Variants in AKAP6 observed in about 807,000 individuals in gnomAD.
The protein encoded by AKAP6 is A-kinase anchoring protein 6.
AKAP6 carries 58 observed loss-of-function variants against 188.5 expected under a neutral mutation model. The ratio of observed to expected loss-of-function variants is 0.31; its 90% CI spans 0.25 to 0.38. The LOEUF is 0.38. AKAP6 is among the 10% of genes least tolerant of loss of function. AKAP6 has a pLI of 1.00. For synonymous variants in AKAP6, 989 were observed against 998.6 expected (o/e 0.99, Z 0.18); for missense variants, 2,710 against 2,740.0 (o/e 0.99, Z 0.24).
chr14:32,427,049 G>C (rs1043636299), intron 1 of AKAP6, among the ~76,000 whole-genome samples: 4 of 152,152 alleles, frequency 2.6e-5, no homozygotes, highest in African/African-American at 9.7e-5. Context: ...AAATATTCAA[G>C]AGGGGAAAGG....
intron 7 of AKAP6, among the ~76,000 whole-genome samples, chr14:32,611,360 A>G (rs1225971215): frequency 6.6e-6 from 1 of 152,206 alleles, no homozygotes; most frequent in Non-Finnish European, 1.5e-5. Context: ...TAACCTCCCC[A>G]GGTGATTCTA....
chr14:32,722,752 G>A (rs1388681250), intron 9 of AKAP6, among the ~76,000 whole-genome samples: 5 of 152,136 alleles, frequency 3.3e-5, no homozygotes, highest in African/African-American at 1.2e-4. Flanking sequence ...CCCAGTGAGA[G>A]CCACTTCCAT....
chr14:32,354,384 T>G (rs1176466552), intron 1 of AKAP6, among the ~76,000 whole-genome samples: 2 of 152,050 alleles, frequency 1.3e-5, no homozygotes, highest in East Asian at 3.9e-4. Flanking sequence ...ACAATTTACT[T>G]AAATCTTGCT....
At chr14:32,415,121 C>T (rs1189007440) in intron 1 of AKAP6, among the ~76,000 whole-genome samples, 2 of 152,150 alleles carry the variant, frequency 1.3e-5, no homozygotes, top group Non-Finnish European at 2.9e-5. Flanking sequence ...GCTAAATCAG[C>T]ACGATTTACA....
At chr14:32,797,991 A>G (rs1023259880) in intron 12 of AKAP6, among the ~76,000 whole-genome samples, 3 of 152,052 alleles carry the variant, frequency 2.0e-5, no homozygotes, top group East Asian at 1.9e-4. Context: ...TCTGCAAACT[A>G]TGCATGTGAC....
chr14:32,716,631 T>G (rs2139770955), intron 9 of AKAP6, among the ~76,000 whole-genome samples: 1 of 147,636 alleles, frequency 6.8e-6, no homozygotes, highest in East Asian at 2.0e-4. Context: ...CTACATTATA[T>G]AATGTATATT....
At chr14:32,344,454 G>T (rs1886998587) in intron 1 of AKAP6, among the ~76,000 whole-genome samples, 1 of 152,192 alleles carries the variant, frequency 6.6e-6, no homozygotes, top group Admixed American at 6.5e-5. Flanking sequence ...AAAGAGCTAT[G>T]GGAAGGTCGA....
rs143834041 is a variant in AKAP6 at position 32,448,381 on chromosome 14, C to T, written c.324+14564C>T. 3.5e-4 allele frequency among the ~76,000 whole-genome samples: 53 copies of T among 152,316 alleles called. No individual in the cohort carries two copies. In the East Asian group the frequency reaches 0.01, roughly 29 times the overall value. On this transcript the variant is annotated intron_variant, in intron 2 of 13. Transcript: ENST00000280979. ...GGACCCTTTCTTCCTCTTAAAATTTCTCAAGTCCTTTACTCTTCTAGTAAT... is the reference window on the plus strand; with the variant it reads ...GGACCCTTTCTTCCTCTTAAAATTTTTCAAGTCCTTTACTCTTCTAGTAAT...
Position 32,577,037 on chromosome 14 carries a change from C to T in AKAP6, c.2347-83C>T, listed in dbSNP as rs989610080. ...ATTTGATCATGGATAAAATTTGGAA[C>T]TTTTAATATTGGCTTTTTACAGAAT... On this transcript the variant is annotated intron_variant, in intron 4 of 13. Transcript: ENST00000280979. 6.7e-6 allele frequency: 10 copies of T among 1,490,644 alleles called. No individual in the cohort carries two copies. The East Asian group carries it at 2.4e-4, about 36-fold the overall frequency. The allele number at this position is 1,490,644 out of a possible 1,614,324, so 92.3% of individuals were successfully genotyped here.
intron 1 of AKAP6, among the ~76,000 whole-genome samples, chr14:32,409,138 T>G (rs925885018): frequency 6.6e-6 from 1 of 152,128 alleles, no homozygotes; most frequent in African/African-American, 2.4e-5. Context: ...AGGTGGAGGT[T>G]GCAGTGAGCC....
intron 4 of AKAP6, among the ~76,000 whole-genome samples, chr14:32,565,925 C>A (rs1024156647): frequency 1.5e-4 from 23 of 152,160 alleles, no homozygotes; most frequent in African/African-American, 5.6e-4. Context: ...TCTGTCAGGG[C>A]TCAATTTCCT....
At chr14:32,341,133 C>A (rs1167957885) in intron 1 of AKAP6, among the ~76,000 whole-genome samples, 1 of 152,188 alleles carries the variant, frequency 6.6e-6, no homozygotes, top group Non-Finnish European at 1.5e-5. Flanking sequence ...AAGCTATTAT[C>A]TTTCACAAGA....
chr14:32,594,430 G>A lies in AKAP6; in HGVS notation c.2470-4980G>A, dbSNP rs538312826. On this transcript the variant is annotated intron_variant, in intron 5 of 13. Coordinates refer to ENST00000280979, the MANE Select transcript of AKAP6 (RefSeq NM_004274.5). ...TGATTGTTTAGTCTTCATTTTGATG[G>A]CTATCTAATGTCTGATCAAGTTTTC... 9.2e-5 allele frequency among the ~76,000 whole-genome samples: 14 copies of A among 152,086 alleles called. No homozygotes were observed. In the South Asian group the frequency reaches 2.9e-3, roughly 32 times the overall value.
chr14:32,597,205 C>T (rs867691550), intron 5 of AKAP6, among the ~76,000 whole-genome samples: 17 of 152,276 alleles, frequency 1.1e-4, no homozygotes, highest in Middle Eastern at 3.4e-3. Context: ...AACCTACTTA[C>T]GGTTCCTTAG....
chr14:32,764,582 C>G (rs987865350), intron 11 of AKAP6, among the ~76,000 whole-genome samples: 1 of 152,150 alleles, frequency 6.6e-6, no homozygotes, highest in South Asian at 2.1e-4. Flanking sequence ...TGGATTCAGG[C>G]TGCCTGGGTT....
chr14:32,441,245 A>G lies in AKAP6; in HGVS notation c.324+7428A>G, dbSNP rs893855427. Among the ~76,000 whole-genome samples the G allele has an allele frequency of 1.3e-4, 20 of 152,300 alleles. No homozygotes were observed. The East Asian group carries it at 1.4e-3, about 10-fold the overall frequency. ...AAGTTGGATACTAGTGGTCAAGTGT[A>G]TAGAGAGTGTGGTTTCATTATGGTG... On this transcript the variant is annotated intron_variant, in intron 2 of 13. Coordinates refer to ENST00000280979, the MANE Select transcript of AKAP6 (RefSeq NM_004274.5).
At chr14:32,557,863 A>C (rs1293375540) in intron 4 of AKAP6, among the ~76,000 whole-genome samples, 1 of 147,458 alleles carries the variant, frequency 6.8e-6, no homozygotes, top group South Asian at 2.2e-4. Context: ...TCTGTCACCC[A>C]TTTTTTTTTA....
At chr14:32,737,422 A>G (rs185876444) in intron 11 of AKAP6, among the ~76,000 whole-genome samples, 4 of 152,334 alleles carry the variant, frequency 2.6e-5, no homozygotes, top group Middle Eastern at 3.4e-3. Context: ...TGTTTGTAAT[A>G]TAATAATAAC....
Position 32,794,207 on chromosome 14 carries a change from G to A in AKAP6, c.3588+20314G>A, listed in dbSNP as rs140692611. ...AATTCACTCAAAATCACACAACTAC[G>A]TGGAAATTGAAAAACATGCTCCTGA... is the stretch of plus-strand genomic sequence containing the variant. On this transcript the variant is annotated intron_variant, in intron 12 of 13. Transcript: ENST00000280979. Among the ~76,000 whole-genome samples the A allele has an allele frequency of 2.6e-3, 393 of 152,180 alleles. 3 individuals are homozygous for A. Among genetic ancestry groups the A allele is most frequent in the African/African-American group, 9.1e-3 (376 of 41,534 alleles).
Sources: gnomAD v4.1 joint callset for allele counts (sites outside exome capture counted in the v4.1 genomes callset) on GRCh38, gnomAD v4.1.1 for gene constraint, MANE v1.5 for transcripts, NCBI Gene and HGNC (gene_info 2026-07-23, HGNC 2026-07-21) for gene names.